Variants in KIRREL3 observed in about 807,000 individuals in gnomAD.
KIRREL3 encodes the protein kirre like nephrin family adhesion molecule 3, also known as kin of IRRE-like protein 3.
In KIRREL3, 36 loss-of-function variants were observed where a neutral mutation model predicts 89.7. That is an observed-to-expected ratio of 0.40 (90% CI 0.31 to 0.53). KIRREL3 has a LOEUF of 0.53. KIRREL3 is among the 20% of genes least tolerant of loss of function. KIRREL3 has a pLI of 0.49. For synonymous variants in KIRREL3, 445 were observed against 441.4 expected, an observed-to-expected ratio of 1.01 and a Z score of -0.10; for missense variants, 864 against 1,056.6, an observed-to-expected ratio of 0.82 and a Z score of 2.53.
Position 126,628,810 on chromosome 11 carries a change from C to A in KIRREL3, c.56-65898G>T, listed in dbSNP as rs1000796877. Among the ~76,000 whole-genome samples, 7 of 152,208 alleles carry A rather than the reference C, an allele frequency of 4.6e-5. No homozygotes were observed. The highest frequency in any genetic ancestry group is 8.8e-5 in the Non-Finnish European group (6 of 68,032). Reference sequence around the variant, plus strand: ...AGGGCCTCGCCTCTACTGCCCCCTCCGCTCGCTCTGCCTGTGCAGGGTCCA... The same window carrying A: ...AGGGCCTCGCCTCTACTGCCCCCTCAGCTCGCTCTGCCTGTGCAGGGTCCA... On this transcript the variant is annotated intron_variant, in intron 1 of 16. Transcript: ENST00000525144. The surrounding 1 kb of genome is among the most constrained non-coding windows in gnomAD (Gnocchi z 5.2).
rs1397100009 is a variant in KIRREL3, at chr11:126,491,505, T to TTG, written c.434-18041_434-18040dup. 1.3e-5 allele frequency among the ~76,000 whole-genome samples: 2 copies of TTG among 152,112 alleles called. No homozygotes were observed. The highest frequency in any genetic ancestry group is 2.9e-5 in the Non-Finnish European group (2 of 68,028). On this transcript the variant is annotated intron_variant, in intron 4 of 16. Transcript: ENST00000525144. This position sits in a 1 kb window ranked among gnomAD's most constrained non-coding sequence, Gnocchi z 5.5. ...TGGGCCAGACTGTTGGACTCCAGTG[T>TTG]TGTCTGTCCCCCGAGTCGAGGTCTG...
rs1200888118 is a variant in KIRREL3, at chr11:126,615,715, C to A, written c.56-52803G>T. Among the ~76,000 whole-genome samples the A allele has an allele frequency of 6.6e-6, 1 of 152,146 alleles. No homozygotes were observed. Among genetic ancestry groups the A allele is most frequent in the African/African-American group, 2.4e-5 (1 of 41,440 alleles). Reference sequence around the variant, plus strand: ...GTCACCCAGTTACTGCTCTATCAGCCACCTACCCCACATTCCTCCAGTGAG... The same window carrying A: ...GTCACCCAGTTACTGCTCTATCAGCAACCTACCCCACATTCCTCCAGTGAG... On this transcript the variant is annotated intron_variant, in intron 1 of 16. Coordinates refer to ENST00000525144, the MANE Select transcript of KIRREL3 (RefSeq NM_032531.4). This position sits in a 1 kb window ranked among gnomAD's most constrained non-coding sequence, Gnocchi z 5.4.
rs1051449416 is a variant in KIRREL3 at position 126,998,550 on chromosome 11, G to A, written c.55+1905C>T. Among the ~76,000 whole-genome samples, 3 of 152,260 alleles carry A rather than the reference G, an allele frequency of 2.0e-5. 1 individual carries two copies. Among genetic ancestry groups the A allele is most frequent in the Non-Finnish European group, 1.5e-5 (1 of 68,018 alleles). ...CATGATGTTATGGTTTCTTCCTAGC[G>A]CTCTCAGGACTCGGGGTAGATAAAA... On this transcript the variant is annotated intron_variant, in intron 1 of 16. Coordinates refer to ENST00000525144, the MANE Select transcript of KIRREL3 (RefSeq NM_032531.4).
At chr11:126,839,544 G>A (rs1004121632) in intron 1 of KIRREL3, among the ~76,000 whole-genome samples, 10 of 152,140 alleles carry the variant, frequency 6.6e-5, no homozygotes, top group African/African-American at 2.4e-4. Context: ...TGCCGCATTG[G>A]TTCCAGAAAG....
At chr11:126,803,579 T>C (rs986142934) in intron 1 of KIRREL3, among the ~76,000 whole-genome samples, 7 of 152,142 alleles carry the variant, frequency 4.6e-5, no homozygotes, top group Admixed American at 1.3e-4. Context: ...CAAATTATAG[T>C]ATTTGGCTAC....
At chr11:126,947,360 C>T (rs1948648389) in intron 1 of KIRREL3, among the ~76,000 whole-genome samples, 1 of 152,162 alleles carries the variant, frequency 6.6e-6, no homozygotes, top group African/African-American at 2.4e-5. Flanking sequence ...CTACCATAAC[C>T]TGATTCCAGA....
intron 1 of KIRREL3, among the ~76,000 whole-genome samples, chr11:126,738,544 C>T (rs981609889): frequency 1.6e-4 from 24 of 151,926 alleles, no homozygotes; most frequent in Non-Finnish European, 2.1e-4. Flanking sequence ...TATTTTTTTT[C>T]CCCCTAGGAG....
At chr11:126,869,103 T>G (rs1565368975) in intron 1 of KIRREL3, among the ~76,000 whole-genome samples, 1 of 151,648 alleles carries the variant, frequency 6.6e-6, no homozygotes. Context: ...CCATTGTATC[T>G]ACATAGAAAA....
chr11:126,827,752 G>GT (rs1194636098), intron 1 of KIRREL3, among the ~76,000 whole-genome samples: 1 of 152,132 alleles, frequency 6.6e-6, no homozygotes, highest in Non-Finnish European at 1.5e-5. Context: ...TTGCACCTGA[G>GT]TAAGTGAAAG....
In KIRREL3 at chr11:126,531,022, G is replaced by T. The variant is rs1283650543; in HGVS notation, c.134-4335C>A. Among the ~76,000 whole-genome samples, 5 of 152,020 alleles carry T rather than the reference G, an allele frequency of 3.3e-5. No homozygotes were observed. The highest frequency in any genetic ancestry group is 7.4e-5 in the Non-Finnish European group (5 of 68,022). On this transcript the variant is annotated intron_variant, in intron 2 of 16. Transcript: ENST00000525144. This position sits in a 1 kb window ranked among gnomAD's most constrained non-coding sequence, Gnocchi z 4.7. ...TTTTTGTATTTTTAGTAGAGACAGG[G>T]TTTCACCATATTGGCCAGGCTGGTC...
chr11:126,926,946 C>T lies in KIRREL3; in HGVS notation c.55+73509G>A, dbSNP rs146159284. ...ACCCCGAGCTGCTCTTCCTTTTTAT[C>T]CTGAGCCATGACAGCAGCTCTCTGC... On this transcript the variant is annotated intron_variant, in intron 1 of 16. Transcript: ENST00000525144. Among the ~76,000 whole-genome samples the T allele has an allele frequency of 3.6e-3, 548 of 152,288 alleles. 6 individuals are homozygous for T. The highest frequency in any genetic ancestry group is 6.5e-3 in the Non-Finnish European group (442 of 68,022).
At chr11:126,857,424 A>ACT (rs1944555508) in intron 1 of KIRREL3, among the ~76,000 whole-genome samples, 1 of 152,114 alleles carries the variant, frequency 6.6e-6, no homozygotes. Flanking sequence ...AGTCCAATAC[A>ACT]CTCTAAGCTA....
intron 1 of KIRREL3, among the ~76,000 whole-genome samples, chr11:126,690,849 T>C (rs991119299): frequency 2.0e-5 from 3 of 152,248 alleles, no homozygotes. Context: ...ATCCTTGTCA[T>C]TTCTTTTACC....
At chr11:126,451,393 C>CATGT (rs1565464565) in intron 7 of KIRREL3, among the ~76,000 whole-genome samples, 18 of 61,662 alleles carry the variant, frequency 2.9e-4, no homozygotes, top group Non-Finnish European at 4.5e-4. Flanking sequence ...CATGTGTGAA[C>CATGT]GTGTGCATGT....
intron 1 of KIRREL3, among the ~76,000 whole-genome samples, chr11:126,757,470 T>G (rs967534573): frequency 3.3e-5 from 5 of 152,158 alleles, no homozygotes; most frequent in Non-Finnish European, 7.4e-5. Context: ...GAAAGGTATT[T>G]CAAGGGCCCA....
At chr11:126,646,221 C>T (rs1944663471) in intron 1 of KIRREL3, among the ~76,000 whole-genome samples, 1 of 152,114 alleles carries the variant, frequency 6.6e-6, no homozygotes, top group Non-Finnish European at 1.5e-5. Context: ...TGGGTTTGTG[C>T]TCTAGCATCT....
intron 1 of KIRREL3, among the ~76,000 whole-genome samples, chr11:126,670,421 C>A (rs890513674): frequency 6.6e-6 from 1 of 152,176 alleles, no homozygotes; most frequent in African/African-American, 2.4e-5. Flanking sequence ...CTCACCACCC[C>A]TATTGACCAC....
In KIRREL3 at chr11:126,697,797, A is replaced by G. The variant is rs1016239925; in HGVS notation, c.56-134885T>C. On this transcript the variant is annotated intron_variant, in intron 1 of 16. Transcript: ENST00000525144. This position sits in a 1 kb window ranked among gnomAD's most constrained non-coding sequence, Gnocchi z 4.2. ...ACCTCCCTATTATTGGATATTAATC[A>G]AGTCCTACTCAGACCACAAACAAGC... Among the ~76,000 whole-genome samples the G allele has an allele frequency of 2.9e-4, 44 of 152,338 alleles. 1 individual carries two copies. Among genetic ancestry groups the G allele is most frequent in the African/African-American group, 9.4e-4 (39 of 41,572 alleles).
intron 4 of KIRREL3, among the ~76,000 whole-genome samples, chr11:126,483,258 T>C (rs1309758470): frequency 6.6e-6 from 1 of 152,228 alleles, no homozygotes; most frequent in Non-Finnish European, 1.5e-5. Flanking sequence ...CAACTGCCCA[T>C]TCTTTGTTGA....
Sources: allele counts gnomAD v4.1 joint callset (sites outside exome capture counted in the v4.1 genomes callset), GRCh38; gene constraint gnomAD v4.1.1; non-coding constraint Gnocchi (gnomAD v3.1); transcripts MANE v1.5; gene names NCBI Gene and HGNC (gene_info 2026-07-23, HGNC 2026-07-21).